Variants in MARCHF1 observed in about 807,000 individuals in gnomAD.
The protein encoded by MARCHF1 is membrane associated ring-CH-type finger 1, also known as E3 ubiquitin-protein ligase MARCHF1.
Under a neutral mutation model 54.2 loss-of-function variants are expected in MARCHF1, and 40 were observed. That is an observed-to-expected ratio of 0.74 (90% CI 0.57 to 0.96). The LOEUF (loss-of-function observed/expected upper bound fraction) is 0.96, where lower values mean the gene tolerates loss of function less well. MARCHF1 is among the 40% of genes least tolerant of loss of function. MARCHF1 has a pLI of 0.00. For missense variants in MARCHF1, 586 were observed against 656.5 expected (o/e 0.89, Z 1.17); for synonymous variants, 236 against 236.3 (o/e 1.00, Z 0.01).
intron 4 of MARCHF1, among the ~76,000 whole-genome samples, chr4:163,719,137 C>T (rs1441267798): frequency 2.6e-5 from 4 of 151,954 alleles, no homozygotes; most frequent in East Asian, 1.9e-4. Flanking sequence ...CCCATTAACT[C>T]GTCATGTACA....
chr4:163,555,691 T>G (rs910483015), intron 8 of MARCHF1, among the ~76,000 whole-genome samples: 10 of 152,202 alleles, frequency 6.6e-5, no homozygotes, highest in Non-Finnish European at 1.2e-4. Flanking sequence ...TGTGGCTTCA[T>G]AAAGAAAACA....
At chr4:163,610,201 G>A (rs1362290276) in intron 7 of MARCHF1, among the ~76,000 whole-genome samples, 1 of 151,802 alleles carries the variant, frequency 6.6e-6, no homozygotes, top group African/African-American at 2.4e-5. Context: ...TATCTTATAT[G>A]CTTTTTTTCG....
chr4:164,231,902 C>T (rs1471047524), intron 1 of MARCHF1, among the ~76,000 whole-genome samples: 1 of 152,068 alleles, frequency 6.6e-6, no homozygotes, highest in African/African-American at 2.4e-5. Context: ...CAACTATATG[C>T]TTTGACACTA....
At chr4:163,773,644 G>A (rs1389706) in intron 4 of MARCHF1, among the ~76,000 whole-genome samples, 133,610 of 152,150 alleles carry the variant, frequency 0.88, 59,349 homozygotes, top group East Asian at 0.95. Context: ...ATTGTGAAGT[G>A]TGAGACTGAC....
At chr4:163,872,046 T>C (rs1202125161) in intron 3 of MARCHF1, among the ~76,000 whole-genome samples, 3 of 152,232 alleles carry the variant, frequency 2.0e-5, no homozygotes, top group Non-Finnish European at 2.9e-5. Flanking sequence ...AAACTACTAA[T>C]ACAATAAATC....
chr4:163,793,262 A>ATATGTT (rs1381963500), intron 4 of MARCHF1, among the ~76,000 whole-genome samples: 2 of 152,188 alleles, frequency 1.3e-5, no homozygotes, highest in African/African-American at 4.8e-5. Flanking sequence ...AGTAACAGGA[A>ATATGTT]TATGTTTTAC....
chr4:163,765,318 A>G (rs545383862), intron 4 of MARCHF1, among the ~76,000 whole-genome samples: 1 of 152,258 alleles, frequency 6.6e-6, no homozygotes, highest in East Asian at 1.9e-4. Flanking sequence ...CTGATATTCA[A>G]AGACTATTAT....
chr4:164,249,829 C>G lies in MARCHF1; in HGVS notation c.-323+134041G>C, dbSNP rs566919159. 8.0e-5 allele frequency among the ~76,000 whole-genome samples: 12 copies of G among 149,778 alleles called. No homozygotes were observed. In the South Asian group the frequency reaches 2.5e-3, roughly 32 times the overall value. On this transcript the variant is annotated intron_variant, in intron 1 of 9. Transcript: ENST00000514618. ...TGAGGGAAGCAAGGAAAAGAACAAA[C>G]TGAAAAATGATTATTTGATGATTAG...
chr4:163,697,906 A>T (rs1579205280), intron 5 of MARCHF1, among the ~76,000 whole-genome samples: 2 of 152,224 alleles, frequency 1.3e-5, no homozygotes, highest in South Asian at 4.1e-4. Flanking sequence ...AAAACATTGC[A>T]TATATTATAG....
chr4:164,245,193 G>A (rs933887828), intron 1 of MARCHF1, among the ~76,000 whole-genome samples: 2 of 152,144 alleles, frequency 1.3e-5, no homozygotes, highest in South Asian at 2.1e-4. Flanking sequence ...GATGAACATT[G>A]ATGCAAAAAT....
chr4:164,018,834 T>G (rs1753602390), intron 2 of MARCHF1, among the ~76,000 whole-genome samples: 1 of 152,200 alleles, frequency 6.6e-6, no homozygotes, highest in Admixed American at 6.5e-5. Flanking sequence ...AATTTTCATA[T>G]GAAGGGCAAA....
intron 2 of MARCHF1, among the ~76,000 whole-genome samples, chr4:163,989,553 C>A (rs1344873755): frequency 1.3e-5 from 2 of 152,144 alleles, no homozygotes; most frequent in Admixed American, 6.5e-5. Context: ...AGGAAACAGA[C>A]TTTACTATTA....
Position 164,176,964 on chromosome 4 carries a change from CTCTCTCTCTCTCTCT to C in MARCHF1, c.-322-65317_-322-65303del, listed in dbSNP as rs1195670875. ...GCGCTCTCTCTCTCTCTCTCTCTCTCTCTCTCTCTCTCTCTCTATATATATATATATATATATATA... is the reference window on the plus strand; with the variant it reads ...GCGCTCTCTCTCTCTCTCTCTCTCTCCTATATATATATATATATATATATA... On this transcript the variant is annotated intron_variant, in intron 1 of 9. Transcript: ENST00000514618. Among the ~76,000 whole-genome samples the C allele has an allele frequency of 2.1e-3, 99 of 47,690 alleles. 12 individuals are homozygous for C. The highest frequency in any genetic ancestry group is 0.014 in the South Asian group (15 of 1,076). 31.3% of individuals were successfully genotyped at this position (47,690 alleles called of 152,430 possible). A position where few individuals can be genotyped will look rare whatever the true frequency, so the allele number is the denominator to read the frequency against.
intron 4 of MARCHF1, among the ~76,000 whole-genome samples, chr4:163,784,141 T>G (rs1338225385): frequency 1.6e-5 from 1 of 63,264 alleles, no homozygotes; most frequent in African/African-American, 4.1e-5. Flanking sequence ...GCAGAAATTC[T>G]TTTTTTTTTT....
chr4:163,832,597 T>TTATTATTAC (rs1749058127), intron 4 of MARCHF1, among the ~76,000 whole-genome samples: 1 of 150,264 alleles, frequency 6.7e-6, no homozygotes, highest in South Asian at 2.1e-4. Flanking sequence ...ATTATTATTA[T>TTATTATTAC]TATTATAATA....
intron 5 of MARCHF1, among the ~76,000 whole-genome samples, chr4:163,628,210 A>G (rs1447093815): frequency 1.3e-5 from 2 of 152,254 alleles, no homozygotes; most frequent in Non-Finnish European, 2.9e-5. Context: ...TAATTCAATA[A>G]TAAACAGACA....
At position 163,967,433 on chromosome 4, in the gene MARCHF1, C is replaced by A. The variant is rs536159176; in HGVS notation, c.-39+21068G>T. Among the ~76,000 whole-genome samples, 174 of 152,238 alleles carry A rather than the reference C, an allele frequency of 1.1e-3. 1 individual carries two copies. The highest frequency in any genetic ancestry group is 4.1e-3 in the African/African-American group (171 of 41,542). ...CTTTGAAGATATGTTTTAAGAAAGG[C>A]AAATCACTTTGGCAATTTGCATAAC... is the stretch of plus-strand genomic sequence containing the variant. On this transcript the variant is annotated intron_variant, in intron 3 of 9. Coordinates refer to ENST00000514618, the MANE Select transcript of MARCHF1 (RefSeq NM_001394959.1).
chr4:164,345,358 GC>G (rs1730058768), intron 1 of MARCHF1, among the ~76,000 whole-genome samples: 1 of 152,048 alleles, frequency 6.6e-6, no homozygotes, highest in Admixed American at 6.6e-5. Flanking sequence ...CTTGAGTCCA[GC>G]AGTTCAAGAC....
At chr4:164,010,217 C>G (rs1381582403) in intron 2 of MARCHF1, among the ~76,000 whole-genome samples, 1 of 151,526 alleles carries the variant, frequency 6.6e-6, no homozygotes, top group Non-Finnish European at 1.5e-5. Context: ...CAGGAGCATG[C>G]CACCACGCTC....
Sources: allele counts gnomAD v4.1 joint callset (sites outside exome capture counted in the v4.1 genomes callset), GRCh38; gene constraint gnomAD v4.1.1; transcripts MANE v1.5; gene names NCBI Gene and HGNC (gene_info 2026-07-23, HGNC 2026-07-21).